The following FAM83G variants were observed in gnomAD, a reference collection of about 807,000 sequenced individuals.
FAM83G encodes protein FAM83G.
A neutral mutation model predicts 61.5 loss-of-function variants in FAM83G; 38 were observed. The ratio of observed to expected loss-of-function variants is 0.62; its 90% CI spans 0.48 to 0.81. The LOEUF (loss-of-function observed/expected upper bound fraction) is 0.81. Ranked by LOEUF, FAM83G falls within the 30% of genes least tolerant of loss-of-function variation. The pLI is 0.00. For synonymous variants in FAM83G, 470 were observed against 476.1 expected (o/e 0.99, Z 0.17); for missense variants, 989 against 1,133.6 (o/e 0.87, Z 1.83).
chr17:18,984,209 G>A (rs1472276951), intron 3 of FAM83G, among the ~76,000 whole-genome samples: 1 of 152,006 alleles, frequency 6.6e-6, no homozygotes, highest in African/African-American at 2.4e-5. Flanking sequence ...GGGCGTGGTG[G>A]CGGGCCCCTG....
At position 18,968,938 on chromosome 17, in the gene FAM83G, T is replaced by A. The variant is rs1238749746; in HGVS notation, c.*2421A>T. The A allele has an allele frequency of 1.3e-5, 12 of 890,428 alleles. No homozygotes were observed. The Admixed American group carries it at 3.4e-4, about 25-fold the overall frequency. The allele number at this position is 890,428 out of a possible 1,614,324, so 55.2% of individuals were successfully genotyped here. A position where few individuals can be genotyped will look rare whatever the true frequency, so the allele number is the denominator to read the frequency against. On this transcript the variant is annotated 3_prime_UTR_variant, in exon 6 of 6. Coordinates refer to ENST00000388995, the MANE Select transcript of FAM83G (RefSeq NM_001039999.3). The surrounding 1 kb of genome is among the most constrained non-coding windows in gnomAD (Gnocchi z 4.1). Reference sequence around the variant, plus strand: ...CAGGCAGGCGAGTGGGGGTCTCCCCTCCTTATCCACAGGCCACCGAGGCCC... The same window carrying A: ...CAGGCAGGCGAGTGGGGGTCTCCCCACCTTATCCACAGGCCACCGAGGCCC...
chr17:18,984,429 C>A (rs1339884166), intron 3 of FAM83G, among the ~76,000 whole-genome samples: 4 of 152,106 alleles, frequency 2.6e-5, no homozygotes, highest in African/African-American at 9.7e-5. Context: ...ACCCAGGCAT[C>A]CCCGGGGAAC....
Position 18,978,329 on chromosome 17 carries a change from C to A in FAM83G, c.1337G>T (p.Arg446Leu). 6 of 1,606,580 alleles carry A rather than the reference C, an allele frequency of 3.7e-6. No homozygotes were observed. The highest frequency in any genetic ancestry group is 5.1e-6 in the Non-Finnish European group (6 of 1,176,830). ...CTGGGAGGTGTCACGGATCTTGATG[C>A]GGTTCATCTGGCTGGGCTGGGGGTT... ...IWNPQPSQMN[R>L]IKIRDTSQAS... is the part of the protein sequence containing the mutation. The change falls in exon 5 of 6, where the codon CGC (arginine) becomes CTC (leucine). Residue 446 changes from arginine to leucine, a missense_variant. By Grantham distance (102) the Arg-to-Leu change is moderately radical. Around this residue, in one of 3 missense-constraint regions of FAM83G, gnomAD observed 574 missense variants for 645.1 expected, o/e 0.89. Transcript: ENST00000388995.
intron 2 of FAM83G, among the ~76,000 whole-genome samples, chr17:18,995,784 T>G (rs2043552062): frequency 6.6e-6 from 1 of 152,060 alleles, no homozygotes; most frequent in African/African-American, 2.4e-5. Context: ...GGCATGTGCC[T>G]ATAATCCCAG....
chr17:18,978,151 G>C lies in FAM83G; in HGVS notation c.1515C>G (p.Pro505=). 6.5e-7 allele frequency: 1 copy of C among 1,529,724 alleles called. No homozygotes were observed. The highest frequency in any genetic ancestry group is 2.0e-5 in the Admixed American group (1 of 49,956). 94.8% of individuals were successfully genotyped at this position (1,529,724 alleles called of 1,614,324 possible). Residue 505 remains proline (P), a synonymous_variant, in exon 5 of 6, where the codon CCC becomes CCG. Coordinates refer to ENST00000388995, the MANE Select transcript of FAM83G (RefSeq NM_001039999.3). ...QGDPEPLPPV[P]KPRTVPVADV... ...CTGCCACAGGGACTGTCCGGGGCTT[G>C]GGCACGGGGGGCAATGGCTCAGGGT...
chr17:18,979,726 G>A, intron 3 of FAM83G, 53 bp from the exon 4 acceptor site: 1 of 1,603,824 alleles, frequency 6.2e-7, no homozygotes, highest in South Asian at 1.1e-5. Context: ...TGACCACACA[G>A]GGCGAGGGGA....
chr17:18,971,726 C>T lies in FAM83G; in HGVS notation c.2105G>A (p.Arg702Lys), dbSNP rs373901976. 15 of 1,577,542 alleles carry T rather than the reference C, an allele frequency of 9.5e-6. No homozygotes were observed. Among genetic ancestry groups the T allele is most frequent in the African/African-American group, 8.1e-5 (6 of 73,804 alleles). Residue 702 changes from arginine to lysine, a missense_variant, in exon 6 of 6, where the codon AGG (arginine) becomes AAG (lysine). Physicochemically the swap from Arg to Lys is conservative, Grantham distance 26. Transcript: ENST00000388995. This position sits in a 1 kb window ranked among gnomAD's most constrained non-coding sequence, Gnocchi z 5.5. ...ATCCCTAGTCCCTGAGGCAGGGACC[C>T]TGTGATGATGAAACTGCTGGCCCTG... is the stretch of plus-strand genomic sequence containing the variant. ...EAQGQQFHHHRVPASGTRDKD... is the reference protein window; with the variant it reads ...EAQGQQFHHHKVPASGTRDKD...
Position 18,996,274 on chromosome 17 carries a change from G to A in FAM83G, c.522+7246C>T, listed in dbSNP as rs1436156124. 6.6e-6 allele frequency among the ~76,000 whole-genome samples: 1 copy of A among 152,100 alleles called. No homozygotes were observed. The highest frequency in any genetic ancestry group is 1.9e-4 in the East Asian group (1 of 5,200). On this transcript the variant is annotated intron_variant, in intron 2 of 5. Transcript: ENST00000388995. The surrounding 1 kb of genome is among the most constrained non-coding windows in gnomAD (Gnocchi z 4.4). ...CAGACCCGCACTCCCTCCTCCAGCT[G>A]CAACCCCCTCCTCCAGCAGCACGGT...
Position 18,979,515 on chromosome 17 carries a change from T to G in FAM83G, c.815+34A>C, listed in dbSNP as rs202226383. The G allele has an allele frequency of 6.6e-4, 1,061 of 1,610,214 alleles. 1 individual carries two copies. The highest frequency in any genetic ancestry group is 2.0e-3 in the Admixed American group (119 of 59,718). On this transcript the variant is annotated intron_variant, in intron 4 of 5. Transcript: ENST00000388995. Reference sequence around the variant, plus strand: ...AAGCCAGTTGGGAGCCAGAGGTACCTCTCGCACAACTTCCCTGAAAGCTGG... The same window carrying G: ...AAGCCAGTTGGGAGCCAGAGGTACCGCTCGCACAACTTCCCTGAAAGCTGG...
chr17:18,978,090 C>G lies in FAM83G; in HGVS notation c.1576G>C (p.Val526Leu). ...GCTTCCTCTTTGGGGAGCTCCAGGA[C>G]CCAGCCAATATCACTGCTGTCCCGG... ...LARDSSDIGW[V>L]LELPKEEAPQ... Residue 526 changes from valine (V) to leucine (L), a missense_variant, in exon 5 of 6, where the codon GTC becomes CTC. Around this residue, in one of 3 missense-constraint regions of FAM83G, gnomAD observed 574 missense variants for 645.1 expected, o/e 0.89. Transcript: ENST00000388995. 6.6e-7 allele frequency: 1 copy of G among 1,516,524 alleles called. No individual in the cohort carries two copies. Among genetic ancestry groups the G allele is most frequent in the East Asian group, 2.3e-5 (1 of 44,056 alleles). The allele number at this position is 1,516,524 out of a possible 1,614,324, so 93.9% of individuals were successfully genotyped here.
intron 4 of FAM83G, chr17:18,979,319 C>T: frequency 3.4e-6 from 2 of 591,448 alleles, no homozygotes; most frequent in Non-Finnish European, 5.8e-6. Flanking sequence ...GGCCACACCC[C>T]ACCTCCAGGC....
intron 5 of FAM83G, among the ~76,000 whole-genome samples, chr17:18,973,110 G>A (rs1567786823): frequency 6.6e-6 from 1 of 152,252 alleles, no homozygotes; most frequent in Non-Finnish European, 1.5e-5. Context: ...GCCCCAGTGG[G>A]CAAGGGGCTG....
intron 2 of FAM83G, among the ~76,000 whole-genome samples, chr17:18,994,495 T>C (rs1430772540): frequency 6.6e-6 from 1 of 152,138 alleles, no homozygotes; most frequent in Admixed American, 6.5e-5. Context: ...CTTCAGCTGA[T>C]AGCCGAGCAG....
rs753362342 is a variant in FAM83G at position 18,969,310 on chromosome 17, GC to G, written c.*2048del. ...CGTGTCCCTCCTCCCTGGGGCCAGG[GC>G]CCCCTCCAGCAACCTTGCTTCCACT... On this transcript the variant is annotated 3_prime_UTR_variant, in exon 6 of 6. Coordinates refer to ENST00000388995, the MANE Select transcript of FAM83G (RefSeq NM_001039999.3). 1.9e-6 allele frequency: 3 copies of G among 1,608,394 alleles called. No homozygotes were observed. The highest frequency in any genetic ancestry group is 1.1e-5 in the South Asian group (1 of 90,648).
In FAM83G at chr17:19,003,530, T is replaced by C. The variant is rs751796720; in HGVS notation, c.512A>G (p.Gln171Arg). ...CCCGCGCTGCCTCACCTTCTGTGCCTGGCTGATCATCTTCCGCACCACCTC... is the reference window on the plus strand; with the variant it reads ...CCCGCGCTGCCTCACCTTCTGTGCCCGGCTGATCATCTTCCGCACCACCTC... ...IKEVVRKMISQAQKVIAVVMD... is the reference protein window; with the variant it reads ...IKEVVRKMISRAQKVIAVVMD... The change falls in exon 2 of 6, where the codon CAG (glutamine) becomes CGG (arginine). Residue 171 changes from glutamine (Q) to arginine (R), a missense_variant. By Grantham distance (43) the Gln-to-Arg change is conservative. Transcript: ENST00000388995. This position sits in a 1 kb window ranked among gnomAD's most constrained non-coding sequence, Gnocchi z 4.5. 6.5e-7 allele frequency: 1 copy of C among 1,537,154 alleles called. No individual in the cohort carries two copies. The highest frequency in any genetic ancestry group is 8.8e-7 in the Non-Finnish European group (1 of 1,141,080).
intron 2 of FAM83G, among the ~76,000 whole-genome samples, chr17:19,002,309 A>T (rs2043751078): frequency 6.6e-6 from 1 of 152,120 alleles, no homozygotes; most frequent in Non-Finnish European, 1.5e-5. Flanking sequence ...GCCCCCACCC[A>T]GCTAGCTGAC....
intron 2 of FAM83G, among the ~76,000 whole-genome samples, chr17:18,992,209 C>T (rs1443094769): frequency 6.6e-6 from 1 of 152,196 alleles, no homozygotes; most frequent in Non-Finnish European, 1.5e-5. Flanking sequence ...ATCCGCCGGC[C>T]TTCTCCACCC....
At chr17:18,998,234 G>A (rs2043617008) in intron 2 of FAM83G, among the ~76,000 whole-genome samples, 1 of 152,268 alleles carries the variant, frequency 6.6e-6, no homozygotes, top group African/African-American at 2.4e-5. Context: ...CTGCTCTCAA[G>A]GCAGAGGGTA....
rs2043562052 is a variant in FAM83G, at chr17:18,996,008, CAA to C, written c.522+7510_522+7511del. 1.3e-5 allele frequency among the ~76,000 whole-genome samples: 2 copies of C among 150,342 alleles called. No individual in the cohort carries two copies. The highest frequency in any genetic ancestry group is 4.2e-4 in the South Asian group (2 of 4,754). ...TAAACAAATCACTTAAAGTCAGTAA[CAA>C]AGAGAGCGTTAAAAACAACCAGAAG... On this transcript the variant is annotated intron_variant, in intron 2 of 5. Transcript: ENST00000388995. This position sits in a 1 kb window ranked among gnomAD's most constrained non-coding sequence, Gnocchi z 4.4.
Sources: gnomAD v4.1 joint callset for allele counts (sites outside exome capture counted in the v4.1 genomes callset) on GRCh38, gnomAD v4.1.1 for gene constraint, gnomAD v4.1.1 regional missense constraint, Gnocchi (gnomAD v3.1) non-coding constraint, MANE v1.5 for transcripts, NCBI Gene and HGNC (gene_info 2026-07-23, HGNC 2026-07-21) for gene names.